Variants in GMDS observed in about 807,000 individuals in gnomAD.
GMDS encodes the protein GDP-mannose 4,6 dehydratase.
Under a neutral mutation model 49.9 loss-of-function variants are expected in GMDS, and 20 were observed. The observed-to-expected ratio is 0.40, with a 90% CI of 0.28 to 0.58. The LOEUF (loss-of-function observed/expected upper bound fraction) is 0.58. Among genes scored for constraint, GMDS ranks in the 20% least tolerant of loss-of-function variants. GMDS has a pLI of 0.42. For missense variants in GMDS, 362 were observed against 481.4 expected (o/e 0.75, Z 2.32); for synonymous variants, 177 against 178.6 (o/e 0.99, Z 0.07).
intron 9 of GMDS, among the ~76,000 whole-genome samples, chr6:1,662,037 T>C (rs2569833): frequency 0.9 from 136,861 of 152,060 alleles, 62,023 homozygotes; most frequent in East Asian, 0.97. Context: ...GCGACTCGCC[T>C]TGGCTCCGAA....
chr6:2,218,771 C>G (rs892671877), intron 1 of GMDS, among the ~76,000 whole-genome samples: 1 of 152,106 alleles, frequency 6.6e-6, no homozygotes, highest in Non-Finnish European at 1.5e-5. Context: ...AGCTATGTTA[C>G]GTGCCAACAA....
At position 1,927,999 on chromosome 6, in the gene GMDS, C is replaced by T. The variant is rs750150644; in HGVS notation, c.771+2104G>A. Among the ~76,000 whole-genome samples, 6 of 152,194 alleles carry T rather than the reference C, an allele frequency of 3.9e-5. No homozygotes were observed. In the South Asian group the frequency reaches 6.2e-4, roughly 16 times the overall value. On this transcript the variant is annotated intron_variant, in intron 7 of 10. Coordinates refer to ENST00000380815, the MANE Select transcript of GMDS (RefSeq NM_001500.4). ...AGATTTCCGAATCCTTTTTCACCTACGTGCAAAATAATAAAATTGAATGAA... is the reference window on the plus strand; with the variant it reads ...AGATTTCCGAATCCTTTTTCACCTATGTGCAAAATAATAAAATTGAATGAA...
chr6:1,764,336 T>C (rs1768269793), intron 7 of GMDS, among the ~76,000 whole-genome samples: 1 of 152,158 alleles, frequency 6.6e-6, no homozygotes, highest in Non-Finnish European at 1.5e-5. Flanking sequence ...TATGTGTTTC[T>C]TCATCTTTCC....
chr6:1,718,770 A>G (rs528691452), intron 9 of GMDS, among the ~76,000 whole-genome samples: 158 of 149,280 alleles, frequency 1.1e-3, no homozygotes, highest in African/African-American at 3.8e-3. Context: ...TCATATATAT[A>G]CATATATATA....
At chr6:1,963,373 A>C (rs1377869810) in intron 4 of GMDS, among the ~76,000 whole-genome samples, 2 of 152,082 alleles carry the variant, frequency 1.3e-5, no homozygotes, top group Non-Finnish European at 2.9e-5. Context: ...CACTTCTTAC[A>C]GGTGTCTTAT....
At chr6:1,921,872 G>A (rs1037291446) in intron 7 of GMDS, among the ~76,000 whole-genome samples, 2 of 152,154 alleles carry the variant, frequency 1.3e-5, no homozygotes, top group Non-Finnish European at 2.9e-5. Flanking sequence ...TAGCTCCACA[G>A]AAGGCTAGAA....
chr6:2,128,627 TCTC>T (rs919099082), intron 1 of GMDS, among the ~76,000 whole-genome samples: 1 of 152,102 alleles, frequency 6.6e-6, no homozygotes, highest in Non-Finnish European at 1.5e-5. Context: ...TAGAAAATAA[TCTC>T]CTTCCTCCCA....
chr6:1,787,073 T>G (rs1769354935), intron 7 of GMDS, among the ~76,000 whole-genome samples: 1 of 152,196 alleles, frequency 6.6e-6, no homozygotes, highest in South Asian at 2.1e-4. Context: ...GTTTCCCACT[T>G]AATAAAAGCG....
chr6:1,716,940 T>C lies in GMDS; in HGVS notation c.987+9476A>G, dbSNP rs141224817. On this transcript the variant is annotated intron_variant, in intron 9 of 10. Transcript: ENST00000380815. ...GTATCAGCGGTGTTTTCTGAGTGTG[T>C]ACATTATGCAATTTTAAATAGATGA... is the stretch of plus-strand genomic sequence containing the variant. Among the ~76,000 whole-genome samples, 554 of 152,354 alleles carry C rather than the reference T, an allele frequency of 3.6e-3. 5 individuals are homozygous for C. The highest frequency in any genetic ancestry group is 0.012 in the African/African-American group (506 of 41,574).
chr6:1,839,258 A>G (rs1385677072), intron 7 of GMDS, among the ~76,000 whole-genome samples: 2 of 152,176 alleles, frequency 1.3e-5, no homozygotes, highest in Middle Eastern at 3.2e-3. Flanking sequence ...CCAGATCTAT[A>G]TGCTTGTGGT....
chr6:1,913,943 G>A (rs1761213827), intron 7 of GMDS, among the ~76,000 whole-genome samples: 1 of 152,106 alleles, frequency 6.6e-6, no homozygotes, highest in South Asian at 2.1e-4. Context: ...CTACATCAGT[G>A]AGTGGATGTA....
intron 7 of GMDS, among the ~76,000 whole-genome samples, chr6:1,873,941 T>C (rs1758902928): frequency 3.3e-5 from 5 of 152,256 alleles, no homozygotes; most frequent in Middle Eastern, 3.4e-3. Context: ...AAACAATCAA[T>C]CGATTGTGCC....
chr6:2,010,169 A>C (rs995832083), intron 4 of GMDS, among the ~76,000 whole-genome samples: 4 of 152,106 alleles, frequency 2.6e-5, no homozygotes, highest in Non-Finnish European at 5.9e-5. Context: ...TCCACTAAAA[A>C]TACAAAAATT....
chr6:1,829,762 ATCT>A (rs1261624038), intron 7 of GMDS, among the ~76,000 whole-genome samples: 1 of 152,180 alleles, frequency 6.6e-6, no homozygotes, highest in Non-Finnish European at 1.5e-5. Flanking sequence ...ATTTTAATGA[ATCT>A]TCTTATTAGG....
chr6:1,779,368 T>C (rs1768981188), intron 7 of GMDS, among the ~76,000 whole-genome samples: 1 of 152,174 alleles, frequency 6.6e-6, no homozygotes, highest in Non-Finnish European at 1.5e-5. Flanking sequence ...CATTTGCCAA[T>C]GCCCAGGGTC....
chr6:1,759,662 G>T (rs1768086309), intron 7 of GMDS, among the ~76,000 whole-genome samples: 2 of 152,138 alleles, frequency 1.3e-5, no homozygotes, highest in African/African-American at 4.8e-5. Context: ...CACTGTGCCT[G>T]GCCTACGTGC....
At chr6:2,065,258 CA>C (rs200461133) in intron 4 of GMDS, among the ~76,000 whole-genome samples, 28,619 of 152,068 alleles carry the variant, frequency 0.19, 3,009 homozygotes, top group East Asian at 0.23. Flanking sequence ...ACATCCACAC[CA>C]AAAACCCATC....
chr6:1,694,835 C>T (rs1490005949), intron 9 of GMDS, among the ~76,000 whole-genome samples: 2 of 152,232 alleles, frequency 1.3e-5, no homozygotes, highest in Admixed American at 6.5e-5. Flanking sequence ...TACACCTGTC[C>T]AAATGAAAAG....
At chr6:2,097,225 T>G (rs970491693) in intron 4 of GMDS, among the ~76,000 whole-genome samples, 2 of 152,200 alleles carry the variant, frequency 1.3e-5, no homozygotes, top group Non-Finnish European at 2.9e-5. Context: ...GTTTTATATT[T>G]TATTATTGTA....
Sources: allele counts gnomAD v4.1 joint callset (sites outside exome capture counted in the v4.1 genomes callset), GRCh38; gene constraint gnomAD v4.1.1; transcripts MANE v1.5; gene names NCBI Gene and HGNC (gene_info 2026-07-23, HGNC 2026-07-21).